SMG1: variants seen among roughly 807,000 people sequenced by gnomAD.
SMG1 encodes the protein serine/threonine-protein kinase SMG1.
A neutral mutation model predicts 419.9 loss-of-function variants in SMG1; 22 were observed. That is an observed-to-expected ratio of 0.05 (90% CI 0.04 to 0.07). SMG1 has a LOEUF of 0.07. Among genes scored for constraint, SMG1 ranks in the 10% least tolerant of loss-of-function variants. SMG1 has a pLI of 1.00. For synonymous variants in SMG1, 1,538 were observed against 1,553.5 expected, an observed-to-expected ratio of 0.99 and a Z score of 0.23; for missense variants, 3,185 against 4,342.0, an observed-to-expected ratio of 0.73 and a Z score of 7.49.
In SMG1 at chr16:18,910,204, C is replaced by T. The variant is rs190236113; in HGVS notation, c.93-13248G>A. Among the ~76,000 whole-genome samples, 132 of 151,070 alleles carry T rather than the reference C, an allele frequency of 8.7e-4. 1 individual carries two copies. The highest frequency in any genetic ancestry group is 3.4e-3 in the Middle Eastern group (1 of 292). Reference sequence around the variant, plus strand: ...ACCTCAGCCTCCCAAGTAGGTGGGACTAGAAACTCACGCCACCATGCCCAG... The same window carrying T: ...ACCTCAGCCTCCCAAGTAGGTGGGATTAGAAACTCACGCCACCATGCCCAG... On this transcript the variant is annotated intron_variant, in intron 1 of 62. Coordinates refer to ENST00000446231, the MANE Select transcript of SMG1 (RefSeq NM_015092.5).
chr16:18,897,259 A>C (rs1364606992), intron 1 of SMG1, among the ~76,000 whole-genome samples: 1 of 152,216 alleles, frequency 6.6e-6, no homozygotes, highest in East Asian at 1.9e-4. Flanking sequence ...CTCCTGTCCC[A>C]GGCAAAACAG....
chr16:18,853,633 G>T lies in SMG1; in HGVS notation c.4718C>A (p.Ser1573Tyr), dbSNP rs377080801. 2.5e-6 allele frequency: 4 copies of T among 1,610,334 alleles called. No individual in the cohort carries two copies. In the African/African-American group the frequency reaches 5.3e-5, roughly 21 times the overall value. ...KNILTLIELP[S>Y]VNTMEEEYPR... ...ATACTCTTCTTCCATCGTATTAACA[G>T]ATGGCAGTTCTATTAGAGTGAGTAT... is the stretch of plus-strand genomic sequence containing the variant. Residue 1573 changes from serine (S) to tyrosine (Y), a missense_variant, in exon 31 of 63, where the codon TCT becomes TAT. Physicochemically the swap from Ser to Tyr is moderately radical, Grantham distance 144 (BLOSUM62 -2). Transcript: ENST00000446231.
At chr16:18,855,731 T>C (rs1338965817) in intron 29 of SMG1, among the ~76,000 whole-genome samples, 1 of 152,216 alleles carries the variant, frequency 6.6e-6, no homozygotes, top group Non-Finnish European at 1.5e-5. Context: ...TTACCCTCTT[T>C]AGCAGAGACT....
At chr16:18,858,069 T>A (rs1469870579) in intron 29 of SMG1, 101 bp downstream of exon 29, 8 of 971,232 alleles carry the variant, frequency 8.2e-6, no homozygotes, top group African/African-American at 1.7e-5. Context: ...TTAGAACTCA[T>A]CAAACCATAC....
chr16:18,886,512 A>G (rs996834473), intron 6 of SMG1, among the ~76,000 whole-genome samples: 2 of 152,206 alleles, frequency 1.3e-5, no homozygotes, highest in Non-Finnish European at 2.9e-5. Context: ...TCAGAAAACC[A>G]TCATTTTAGG....
intron 13 of SMG1, among the ~76,000 whole-genome samples, chr16:18,873,173 C>G (rs1367783432): frequency 6.6e-6 from 1 of 151,940 alleles, no homozygotes; most frequent in South Asian, 2.1e-4. Flanking sequence ...AAACAAAAAA[C>G]ACCAGCCACA....
intron 1 of SMG1, among the ~76,000 whole-genome samples, chr16:18,907,615 C>T (rs1216065612): frequency 6.6e-6 from 1 of 151,756 alleles, no homozygotes; most frequent in Non-Finnish European, 1.5e-5. Context: ...TTTGGGAGGC[C>T]GAGGCGGGCG....
intron 1 of SMG1, among the ~76,000 whole-genome samples, chr16:18,917,933 C>T (rs149969462): frequency 1.9e-4 from 29 of 151,984 alleles, no homozygotes; most frequent in Non-Finnish European, 3.5e-4. Flanking sequence ...GCCACTCTCC[C>T]GCAGCTAATA....
intron 1 of SMG1, among the ~76,000 whole-genome samples, chr16:18,911,942 G>A (rs1387881665): frequency 4.0e-5 from 6 of 151,870 alleles, no homozygotes; most frequent in Non-Finnish European, 5.9e-5. Context: ...TTAGCCAGGC[G>A]TGGTGGCATG....
At position 18,902,975 on chromosome 16, in the gene SMG1, C is replaced by T. The variant is rs192233646; in HGVS notation, c.93-6019G>A. 1.4e-3 allele frequency among the ~76,000 whole-genome samples: 212 copies of T among 152,196 alleles called. 1 individual carries two copies. The highest frequency in any genetic ancestry group is 4.7e-3 in the African/African-American group (197 of 41,526). On this transcript the variant is annotated intron_variant, in intron 1 of 62. Coordinates refer to ENST00000446231, the MANE Select transcript of SMG1 (RefSeq NM_015092.5). ...GAGACCACAGGCTTACTCCACCACG[C>T]CCAGCAACTTTTGTATTTTTTTTGT...
In SMG1 at chr16:18,842,416, T is replaced by C. The variant is rs1485182809; in HGVS notation, c.6258A>G (p.Ala2086=). Reference sequence around the variant, plus strand: ...TTTCTTCAAGACGCAAGATGTAACTTGCACGTTTCTGTGCTCTCTGTTGCA... The same window carrying C: ...TTTCTTCAAGACGCAAGATGTAACTCGCACGTTTCTGTGCTCTCTGTTGCA... ...LSLQQRAQKR[A]SYILRLEEIS... The change falls in exon 40 of 63, where the codon GCA becomes GCG. Residue 2086 remains alanine (A), a synonymous_variant. Transcript: ENST00000446231. 6.2e-7 allele frequency: 1 copy of C among 1,613,874 alleles called. No individual in the cohort carries two copies. Among genetic ancestry groups the C allele is most frequent in the Non-Finnish European group, 8.5e-7 (1 of 1,179,862 alleles).
At chr16:18,821,217 GTTTCT>G (rs1224236065) in intron 55 of SMG1, among the ~76,000 whole-genome samples, 628 of 31,644 alleles carry the variant, frequency 0.02, 27 homozygotes, top group African/African-American at 0.064. Flanking sequence ...TATTTAGTAT[GTTTCT>G]TTTTTTTTTT....
intron 1 of SMG1, among the ~76,000 whole-genome samples, chr16:18,902,991 T>A (rs1323997557): frequency 6.6e-5 from 10 of 151,670 alleles, no homozygotes; most frequent in Non-Finnish European, 1.5e-4. Context: ...AACTTTTGTA[T>A]TTTTTTTGTC....
At chr16:18,854,929 A>G in intron 29 of SMG1, 25 bp from the exon 30 acceptor site, 1 of 1,603,124 alleles carries the variant, frequency 6.2e-7, no homozygotes, top group East Asian at 2.2e-5. Flanking sequence ...ACGTTTTATT[A>G]GTTCCTAATT....
At position 18,845,482 on chromosome 16, in the gene SMG1, T is replaced by C; in HGVS notation, c.6166A>G (p.Lys2056Glu). 1 of 1,613,998 alleles carries C rather than the reference T, an allele frequency of 6.2e-7. No homozygotes were observed. The highest frequency in any genetic ancestry group is 8.5e-7 in the Non-Finnish European group (1 of 1,179,884). Residue 2056 changes from lysine to glutamate, a missense_variant, in exon 39 of 63, where the codon AAG becomes GAG. Coordinates refer to ENST00000446231, the MANE Select transcript of SMG1 (RefSeq NM_015092.5). ...DAIENALEKL[K>E]TPLNPAKPGS... The stretch of plus-strand genomic sequence containing the variant: ...GGCTTTGCAGGGTTCAATGGAGTCT[T>C]CAGTTTTTCTAGGGCATTTTCAATG...
At chr16:18,925,649 C>G in intron 1 of SMG1, 1 of 252,780 alleles carries the variant, frequency 4.0e-6, no homozygotes, top group Non-Finnish European at 7.5e-6. Context: ...ACTGGAATGC[C>G]CCCCACCCCC....
chr16:18,829,699 C>A lies in SMG1; in HGVS notation c.9190G>T (p.Val3064Leu), dbSNP rs750283610. ...CAAGAGTTTCTAAAAAGGGTTTTCA[C>A]ATTGACAATCTGTACAGGCCCATTC... ...TVNGPVQIVN[V>L]KTLFRNSCFS... Residue 3064 changes from valine (V) to leucine (L), a missense_variant, in exon 54 of 63, where the codon GTG (valine) becomes TTG (leucine). Transcript: ENST00000446231. The A allele has an allele frequency of 6.2e-7, 1 of 1,613,912 alleles. No individual in the cohort carries two copies. Among genetic ancestry groups the A allele is most frequent in the South Asian group, 1.1e-5 (1 of 91,086 alleles).
intron 60 of SMG1, among the ~76,000 whole-genome samples, chr16:18,812,879 CT>C (rs2031604235): frequency 1.3e-5 from 2 of 152,080 alleles, no homozygotes; most frequent in Non-Finnish European, 1.5e-5. Flanking sequence ...TCCAAGTGTT[CT>C]CATTGTTCAA....
In SMG1 at chr16:18,841,627, T is replaced by C; in HGVS notation, c.6634A>G (p.Thr2212Ala). 6.2e-7 allele frequency: 1 copy of C among 1,614,010 alleles called. No homozygotes were observed. Among genetic ancestry groups the C allele is most frequent in the East Asian group, 2.2e-5 (1 of 44,886 alleles). Residue 2212 changes from threonine to alanine, a missense_variant, in exon 41 of 63, where the codon ACA becomes GCA. By Grantham distance (58) the Thr-to-Ala change is moderately conservative (BLOSUM62 0). Coordinates refer to ENST00000446231, the MANE Select transcript of SMG1 (RefSeq NM_015092.5). Reference protein sequence around the residue: ...SGLIQWVDGATPLFGLYKRWQ... With the variant: ...SGLIQWVDGAAPLFGLYKRWQ... ...CGTTTGTAAAGACCAAATAAGGGTG[T>C]GGCTCCATCTACCCACTGGATTAGT... is the stretch of plus-strand genomic sequence containing the variant.
Sources: gnomAD v4.1 joint callset for allele counts (sites outside exome capture counted in the v4.1 genomes callset) on GRCh38, gnomAD v4.1.1 for gene constraint, MANE v1.5 for transcripts, NCBI Gene and HGNC (gene_info 2026-07-23, HGNC 2026-07-21) for gene names.